Variants in VPS13B observed in about 807,000 individuals in gnomAD.
The protein encoded by VPS13B is intermembrane lipid transfer protein VPS13B.
A neutral mutation model predicts 426.4 loss-of-function variants in VPS13B; 285 were observed. The observed-to-expected ratio is 0.67, with a 90% CI of 0.61 to 0.74. The LOEUF is 0.74. Ranked by LOEUF, VPS13B falls within the 30% of genes least tolerant of loss-of-function variation. The pLI, the probability that VPS13B is intolerant of heterozygous loss-of-function variation, is 0.00. For missense variants in VPS13B, 4,537 were observed against 4,782.6 expected (o/e 0.95, Z 1.51); for synonymous variants, 1,676 against 1,676.4 (o/e 1.00, Z 0.01).
intron 19 of VPS13B, among the ~76,000 whole-genome samples, chr8:99,287,932 G>T (rs1819532565): frequency 6.6e-6 from 1 of 151,978 alleles, no homozygotes. Flanking sequence ...TTTAAGAGTG[G>T]TTATCTTTTA....
chr8:99,277,388 A>G (rs1818952935), intron 19 of VPS13B, among the ~76,000 whole-genome samples: 1 of 152,108 alleles, frequency 6.6e-6, no homozygotes, highest in Non-Finnish European at 1.5e-5. Flanking sequence ...TTAGGTATTT[A>G]TGATATGGTT....
At chr8:99,662,193 T>G (rs1008800517) in intron 35 of VPS13B, among the ~76,000 whole-genome samples, 5 of 152,194 alleles carry the variant, frequency 3.3e-5, no homozygotes, top group Non-Finnish European at 7.3e-5. Flanking sequence ...ACTTCTGTAC[T>G]ACACTAATTT....
At chr8:99,314,729 G>A (rs1384106644) in intron 19 of VPS13B, among the ~76,000 whole-genome samples, 2 of 152,156 alleles carry the variant, frequency 1.3e-5, no homozygotes, top group Non-Finnish European at 2.9e-5. Context: ...GGGATTATGA[G>A]CGAGAACCAC....
At chr8:99,403,150 T>G (rs1473305036) in intron 21 of VPS13B, among the ~76,000 whole-genome samples, 1 of 152,238 alleles carries the variant, frequency 6.6e-6, no homozygotes, top group Admixed American at 6.5e-5. Context: ...CAGGATGCCA[T>G]CTTTTCATGT....
At chr8:99,728,894 G>A (rs1024579017) in intron 39 of VPS13B, among the ~76,000 whole-genome samples, 2 of 152,164 alleles carry the variant, frequency 1.3e-5, no homozygotes, top group African/African-American at 4.8e-5. Context: ...AGGAACCCAG[G>A]GGAATATTCA....
chr8:99,055,870 C>G (rs1037255346), intron 3 of VPS13B, among the ~76,000 whole-genome samples: 1 of 151,096 alleles, frequency 6.6e-6, no homozygotes, highest in Non-Finnish European at 1.5e-5. Flanking sequence ...GCTGGGACCA[C>G]GGGCACATGC....
intron 25 of VPS13B, among the ~76,000 whole-genome samples, chr8:99,490,999 G>C (rs940487055): frequency 6.6e-6 from 1 of 152,014 alleles, no homozygotes; most frequent in Non-Finnish European, 1.5e-5. Context: ...TGATTTTAGG[G>C]TGTCGATTTT....
At chr8:99,749,760 A>G (rs1236303300) in intron 39 of VPS13B, among the ~76,000 whole-genome samples, 2 of 152,100 alleles carry the variant, frequency 1.3e-5, no homozygotes, top group African/African-American at 4.8e-5. Flanking sequence ...TATACCTAGC[A>G]GTAGCATTGC....
intron 33 of VPS13B, among the ~76,000 whole-genome samples, chr8:99,583,279 AAT>A: frequency 6.6e-6 from 1 of 152,308 alleles, no homozygotes. Flanking sequence ...ACAATAAAAT[AAT>A]GTGTTCTTCT....
chr8:99,835,505 G>A (rs774134154), intron 53 of VPS13B, 34 bp from the exon 54 acceptor site: 1 of 1,603,054 alleles, frequency 6.2e-7, no homozygotes, highest in Non-Finnish European at 8.5e-7. Flanking sequence ...GTCTTTAAGG[G>A]CTAATTCTGC....
intron 19 of VPS13B, among the ~76,000 whole-genome samples, chr8:99,364,107 T>C (rs1487514262): frequency 6.6e-6 from 1 of 152,182 alleles, no homozygotes; most frequent in East Asian, 1.9e-4. Context: ...GTCTGTTATA[T>C]ATGGCTTTTA....
intron 3 of VPS13B, among the ~76,000 whole-genome samples, chr8:99,041,189 A>T (rs1842947448): frequency 6.6e-6 from 1 of 152,210 alleles, no homozygotes; most frequent in African/African-American, 2.4e-5. Flanking sequence ...AATTTTAAAA[A>T]ATATATTGAA....
At chr8:99,275,683 G>T (rs142401333) in intron 19 of VPS13B, among the ~76,000 whole-genome samples, 2 of 152,180 alleles carry the variant, frequency 1.3e-5, no homozygotes, top group African/African-American at 4.8e-5. Flanking sequence ...AATCTCAGAG[G>T]TCATTATCTC....
intron 3 of VPS13B, among the ~76,000 whole-genome samples, chr8:99,060,231 T>C (rs1202018391): frequency 1.3e-5 from 2 of 152,192 alleles, no homozygotes; most frequent in Non-Finnish European, 2.9e-5. Flanking sequence ...TCAGCTTGTG[T>C]CTAGATCCTA....
intron 17 of VPS13B, among the ~76,000 whole-genome samples, chr8:99,247,708 G>C (rs909061752): frequency 6.6e-6 from 1 of 152,068 alleles, no homozygotes; most frequent in Non-Finnish European, 1.5e-5. Context: ...TGGTGTCTTA[G>C]CATTTGCGTT....
chr8:99,275,050 T>G (rs1423341044), intron 18 of VPS13B, 31 bp from the exon 19 acceptor site: 5 of 1,541,136 alleles, frequency 3.2e-6, no homozygotes, highest in Non-Finnish European at 3.5e-6. Flanking sequence ...TGTTTTATTT[T>G]TATTATTGTT....
At chr8:99,423,652 A>G (rs1816510246) in intron 21 of VPS13B, among the ~76,000 whole-genome samples, 1 of 152,044 alleles carries the variant, frequency 6.6e-6, no homozygotes, top group Admixed American at 6.6e-5. Flanking sequence ...CCATATATAA[A>G]ACATTCTCAC....
chr8:99,406,535 G>T (rs1404115926), intron 21 of VPS13B, among the ~76,000 whole-genome samples: 1 of 152,110 alleles, frequency 6.6e-6, no homozygotes, highest in African/African-American at 2.4e-5. Flanking sequence ...GCAGCTCATG[G>T]CACAATTTCA....
chr8:99,473,305 ATAT>A (rs1289591830), intron 24 of VPS13B, among the ~76,000 whole-genome samples: 1 of 152,106 alleles, frequency 6.6e-6, no homozygotes, highest in Non-Finnish European at 1.5e-5. Context: ...CATAATATAT[ATAT>A]TATACGTAAT....
Sources: allele counts gnomAD v4.1 joint callset (sites outside exome capture counted in the v4.1 genomes callset), GRCh38; gene constraint gnomAD v4.1.1; transcripts MANE v1.5; gene names NCBI Gene and HGNC (gene_info 2026-07-23, HGNC 2026-07-21).